Variants in ATXN1 observed in about 807,000 individuals in gnomAD.
ATXN1 encodes the protein ataxin-1.
In ATXN1, 8 loss-of-function variants were observed where a neutral mutation model predicts 56.4. The ratio of observed to expected loss-of-function variants is 0.14; its 90% CI spans 0.08 to 0.26. The LOEUF is 0.26. Ranked by LOEUF, ATXN1 falls within the 10% of genes least tolerant of loss-of-function variation. The pLI is 1.00. For missense variants in ATXN1, 987 were observed against 1,106.5 expected, an observed-to-expected ratio of 0.89 and a Z score of 1.53; for synonymous variants, 514 against 494.6, an observed-to-expected ratio of 1.04 and a Z score of -0.52.
intron 3 of ATXN1, among the ~76,000 whole-genome samples, chr6:16,591,685 T>C (rs1762726158): frequency 1.3e-5 from 2 of 152,108 alleles, no homozygotes; most frequent in Non-Finnish European, 2.9e-5. Context: ...ATGAGCTCCT[T>C]AGGGGCCCCA....
At chr6:16,415,106 T>A (rs1166251902) in intron 6 of ATXN1, among the ~76,000 whole-genome samples, 1 of 152,228 alleles carries the variant, frequency 6.6e-6, no homozygotes, top group African/African-American at 2.4e-5. Flanking sequence ...GGGCAAATTA[T>A]CTTCTATCTT....
intron 2 of ATXN1, among the ~76,000 whole-genome samples, chr6:16,686,732 A>G (rs958528934): frequency 2.0e-5 from 3 of 152,246 alleles, no homozygotes; most frequent in African/African-American, 7.2e-5. Flanking sequence ...CAAATATTTA[A>G]GTATAACCTC....
At chr6:16,619,137 T>A (rs1371611730) in intron 3 of ATXN1, among the ~76,000 whole-genome samples, 2 of 152,254 alleles carry the variant, frequency 1.3e-5, no homozygotes, top group Non-Finnish European at 1.5e-5. Context: ...CTTTTTTTTT[T>A]AATTACAGTA....
chr6:16,426,194 G>A (rs1231748977), intron 6 of ATXN1, among the ~76,000 whole-genome samples: 3 of 152,120 alleles, frequency 2.0e-5, no homozygotes, highest in Non-Finnish European at 4.4e-5. Context: ...TATGAGTAAT[G>A]AGCCATTTTG....
At chr6:16,744,624 G>C (rs1338441809) in intron 2 of ATXN1, among the ~76,000 whole-genome samples, 1 of 152,142 alleles carries the variant, frequency 6.6e-6, no homozygotes, top group Non-Finnish European at 1.5e-5. Context: ...GTGAGGGGCA[G>C]GTGGGAGAAG....
intron 3 of ATXN1, among the ~76,000 whole-genome samples, chr6:16,597,117 C>T (rs1007925153): frequency 6.6e-6 from 1 of 152,252 alleles, no homozygotes; most frequent in Non-Finnish European, 1.5e-5. Context: ...GGCTCTGCCG[C>T]AGCCTCCCAG....
intron 1 of ATXN1, among the ~76,000 whole-genome samples, chr6:16,757,591 C>T (rs1043494833): frequency 1.3e-5 from 2 of 152,204 alleles, no homozygotes; most frequent in Non-Finnish European, 1.5e-5. Flanking sequence ...CATAAACCCC[C>T]TGGGAATAGA....
chr6:16,474,579 G>GCC, intron 6 of ATXN1, among the ~76,000 whole-genome samples: 1 of 152,168 alleles, frequency 6.6e-6, no homozygotes, highest in Non-Finnish European at 1.5e-5. Context: ...GGGATGGCTT[G>GCC]TTACACAGTA....
chr6:16,398,087 G>A (rs179943), intron 6 of ATXN1, among the ~76,000 whole-genome samples: 19,456 of 152,072 alleles, frequency 0.13, 1,617 homozygotes, highest in East Asian at 0.39. Flanking sequence ...ATGAAAATGG[G>A]ACTTTTTTTT....
At chr6:16,558,834 T>A (rs950458362) in intron 4 of ATXN1, among the ~76,000 whole-genome samples, 24 of 151,730 alleles carry the variant, frequency 1.6e-4, no homozygotes, top group African/African-American at 5.6e-4. Flanking sequence ...GAAGAAAACA[T>A]AAAGTCAAAA....
At position 16,326,634 on chromosome 6, in the gene ATXN1, G is replaced by C; in HGVS notation, c.1677C>G (p.Ser559=). 1 of 1,613,844 alleles carries C rather than the reference G, an allele frequency of 6.2e-7. No individual in the cohort carries two copies. The highest frequency in any genetic ancestry group is 8.5e-7 in the Non-Finnish European group (1 of 1,180,028). The change falls in exon 7 of 8, where the codon TCC becomes TCG. Residue 559 remains serine (S), a synonymous_variant. Transcript: ENST00000436367. This position sits in a 1 kb window ranked among gnomAD's most constrained non-coding sequence, Gnocchi z 6.6. The part of the protein sequence containing the change: ...QAQIHLPVVQ[S]VASPAAAPPT... The stretch of plus-strand genomic sequence containing the variant: ...GGGGAGCCGCCGCCGGGGAGGCCAC[G>C]GACTGCACCACAGGCAGGTGGATCT...
chr6:16,613,026 G>A (rs1410336142), intron 3 of ATXN1, among the ~76,000 whole-genome samples: 1 of 151,752 alleles, frequency 6.6e-6, no homozygotes, highest in African/African-American at 2.4e-5. Context: ...AGCACTTTGG[G>A]AGGCCGAGGC....
intron 6 of ATXN1, among the ~76,000 whole-genome samples, chr6:16,404,817 G>C (rs960670809): frequency 6.6e-6 from 1 of 152,124 alleles, no homozygotes; most frequent in African/African-American, 2.4e-5. Context: ...TGAGAGCAAG[G>C]GGCTGTCGGT....
intron 5 of ATXN1, among the ~76,000 whole-genome samples, chr6:16,489,933 G>T (rs1326367035): frequency 6.6e-6 from 1 of 152,084 alleles, no homozygotes; most frequent in Non-Finnish European, 1.5e-5. Context: ...CAGATAATTT[G>T]TATTTCTGAC....
chr6:16,706,577 G>A (rs931947298), intron 2 of ATXN1, among the ~76,000 whole-genome samples: 1 of 151,940 alleles, frequency 6.6e-6, no homozygotes, highest in Non-Finnish European at 1.5e-5. Flanking sequence ...ACAAAAAAAT[G>A]GTCCGTGCGT....
At chr6:16,545,913 A>G (rs1761806494) in intron 4 of ATXN1, among the ~76,000 whole-genome samples, 1 of 152,252 alleles carries the variant, frequency 6.6e-6, no homozygotes, top group South Asian at 2.1e-4. Context: ...AATAGAGAGC[A>G]GCTTTTGAAT....
intron 4 of ATXN1, among the ~76,000 whole-genome samples, chr6:16,576,098 TA>T (rs11313002): frequency 0.12 from 16,872 of 144,136 alleles, 1,841 homozygotes; most frequent in African/African-American, 0.3. Flanking sequence ...ACAGCTAAGG[TA>T]AAAAAAAAAA....
chr6:16,389,084 C>T (rs1758296908), intron 6 of ATXN1, among the ~76,000 whole-genome samples: 1 of 152,110 alleles, frequency 6.6e-6, no homozygotes, highest in Admixed American at 6.5e-5. Flanking sequence ...CGCCTGTAAT[C>T]CCAGCACTTT....
intron 6 of ATXN1, among the ~76,000 whole-genome samples, chr6:16,450,951 G>C (rs887779841): frequency 2.0e-5 from 3 of 152,176 alleles, no homozygotes; most frequent in African/African-American, 7.2e-5. Context: ...GGGCGGCGGG[G>C]GTTAGAACAA....
Sources: allele counts gnomAD v4.1 joint callset (sites outside exome capture counted in the v4.1 genomes callset), GRCh38; gene constraint gnomAD v4.1.1; non-coding constraint Gnocchi (gnomAD v3.1); transcripts MANE v1.5; gene names NCBI Gene and HGNC (gene_info 2026-07-23, HGNC 2026-07-21).